Variants in SECISBP2L observed in about 807,000 individuals in gnomAD.
SECISBP2L encodes the protein SECIS binding protein 2 like.
A neutral mutation model predicts 114.7 loss-of-function variants in SECISBP2L; 43 were observed. The observed-to-expected ratio is 0.38, with a 90% CI of 0.29 to 0.48. SECISBP2L has a LOEUF of 0.48. Among genes scored for constraint, SECISBP2L ranks in the 20% least tolerant of loss-of-function variants. The pLI, the probability that SECISBP2L is intolerant of heterozygous loss-of-function variation, is 0.98. For synonymous variants in SECISBP2L, 451 were observed against 439.7 expected (o/e 1.03, Z -0.32); for missense variants, 1,136 against 1,301.1 (o/e 0.87, Z 1.95).
intron 7 of SECISBP2L, among the ~76,000 whole-genome samples, chr15:49,022,184 C>G (rs1464975326): frequency 6.6e-6 from 1 of 152,178 alleles, no homozygotes; most frequent in Non-Finnish European, 1.5e-5. Flanking sequence ...GTGGCGCCAT[C>G]ATAGCTCACT....
chr15:49,009,158 C>G, intron 14 of SECISBP2L, 58 bp downstream of exon 14: 1 of 1,544,592 alleles, frequency 6.5e-7, no homozygotes, highest in Non-Finnish European at 8.8e-7. Context: ...ATACTAAATT[C>G]AGAACTACAA....
chr15:48,990,276 A>G lies in SECISBP2L; in HGVS notation c.*1968T>C, dbSNP rs1313635961. On this transcript the variant is annotated 3_prime_UTR_variant, in exon 18 of 18. Transcript: ENST00000559471. ...ACATCGAGCAAAGGAAATTTACACC[A>G]TAAAAAGTATGAACAGTTTTTAAAT... 1.3e-5 allele frequency: 2 copies of G among 152,680 alleles called. No individual in the cohort carries two copies. The highest frequency in any genetic ancestry group is 2.9e-5 in the Non-Finnish European group (2 of 68,038). The allele number at this position is 152,680 out of a possible 1,614,324, so 9.5% of individuals were successfully genotyped here.
Position 49,037,736 on chromosome 15 carries a change from T to C in SECISBP2L, c.58A>G (p.Ile20Val). The C allele has an allele frequency of 6.2e-7, 1 of 1,609,088 alleles. No individual in the cohort carries two copies. The highest frequency in any genetic ancestry group is 1.1e-5 in the South Asian group (1 of 90,350). The change falls in exon 2 of 18, where the codon ATT becomes GTT. Residue 20 changes from isoleucine (I) to valine (V), a missense_variant. Ile to Val is a conservative substitution (Grantham distance 29, BLOSUM62 3). Coordinates refer to ENST00000559471, the MANE Select transcript of SECISBP2L (RefSeq NM_001193489.2). ...GTATCAGGACTCTTCTTCTGGGGAA[T>C]AAATGGCTCCACCTCAGCTGACAGC... ...VKLSAEVEPFIPQKKSPDTFM... is the reference protein window; with the variant it reads ...VKLSAEVEPFVPQKKSPDTFM...
Position 49,028,493 on chromosome 15 carries a change from G to A in SECISBP2L, c.854C>T (p.Ala285Val). ...ATCAGGATTTCTCAAAGCCCCTGCT[G>A]CAGGCTGGTTGTTGCTGTGTTTGGG... ...CSPKHSNNQP[A>V]AGALRNPDSG... Residue 285 changes from alanine to valine, a missense_variant, in exon 5 of 18, where the codon GCA becomes GTA. By Grantham distance (64) the Ala-to-Val change is moderately conservative. This residue lies in a region of SECISBP2L where 452 missense variants were observed against 452.3 expected (regional missense o/e 1.00). Transcript: ENST00000559471. The A allele has an allele frequency of 6.2e-7, 1 of 1,614,154 alleles. No homozygotes were observed. Among genetic ancestry groups the A allele is most frequent in the South Asian group, 1.1e-5 (1 of 91,072 alleles).
At chr15:48,996,213 A>G (rs1436587430) in intron 17 of SECISBP2L, among the ~76,000 whole-genome samples, 154 bp downstream of exon 17, 3 of 152,184 alleles carry the variant, frequency 2.0e-5, no homozygotes, top group Non-Finnish European at 4.4e-5. Context: ...TATTCTCCTG[A>G]TTTTTAATGA....
chr15:49,035,352 T>C lies in SECISBP2L; in HGVS notation c.510A>G (p.Arg170=), dbSNP rs1469889051. The C allele has an allele frequency of 1.9e-6, 3 of 1,613,782 alleles. No homozygotes were observed. The highest frequency in any genetic ancestry group is 1.7e-6 in the Non-Finnish European group (2 of 1,179,784). The part of the protein sequence containing the change: ...LSSHRSRNSN[R]GSVVPKQQLL... ...CACTTACTTTTGGGACCACTGATCC[T>C]CTGTTACTGTTTCTGCTTCGATGGC... Residue 170 remains arginine, a synonymous_variant, in exon 3 of 18, where the codon AGA becomes AGG. Coordinates refer to ENST00000559471, the MANE Select transcript of SECISBP2L (RefSeq NM_001193489.2).
chr15:49,033,249 G>GACTA, intron 3 of SECISBP2L, 149 bp from the exon 4 acceptor site: 1 of 917,480 alleles, frequency 1.1e-6, no homozygotes. Flanking sequence ...AATAGTACTA[G>GACTA]GGTTTCATGA....
Position 48,999,972 on chromosome 15 carries a change from G to A in SECISBP2L, c.2264C>T (p.Ala755Val), listed in dbSNP as rs1394514045. Reference protein sequence around the residue: ...KIQSKGGLDEALYNVIAMARE... With the variant: ...KIQSKGGLDEVLYNVIAMARE... Reference sequence around the variant, plus strand: ...TGCCATGGCTATAACATTATAGAGAGCCTCATCCAGACCACCTGAGAAAAT... The same window carrying A: ...TGCCATGGCTATAACATTATAGAGAACCTCATCCAGACCACCTGAGAAAAT... The change falls in exon 16 of 18, where the codon GCT becomes GTT. Residue 755 changes from alanine (A) to valine (V), a missense_variant. Transcript: ENST00000559471. 8 of 1,613,464 alleles carry A rather than the reference G, an allele frequency of 5.0e-6. No individual in the cohort carries two copies. The highest frequency in any genetic ancestry group is 4.4e-5 in the South Asian group (4 of 91,024).
intron 14 of SECISBP2L, among the ~76,000 whole-genome samples, chr15:49,005,230 T>C (rs1902291685): frequency 6.6e-6 from 1 of 152,146 alleles, no homozygotes; most frequent in African/African-American, 2.4e-5. Context: ...CTCAGGAGGC[T>C]GAAGCAAGAG....
At chr15:49,017,165 G>A (rs910392279) in intron 9 of SECISBP2L, 150 bp from the exon 10 acceptor site, 20 of 703,514 alleles carry the variant, frequency 2.8e-5, no homozygotes, top group Non-Finnish European at 4.3e-5. Context: ...TTGACAGTGG[G>A]ACCATTTCAG....
At chr15:49,034,420 CT>C (rs75869456) in intron 3 of SECISBP2L, among the ~76,000 whole-genome samples, 285 of 143,336 alleles carry the variant, frequency 2.0e-3, no homozygotes, top group Admixed American at 2.4e-3. Flanking sequence ...TCATTTCTTT[CT>C]TTTTTTTTTT....
chr15:49,015,125 G>C (rs1902510818), intron 11 of SECISBP2L, among the ~76,000 whole-genome samples: 1 of 152,050 alleles, frequency 6.6e-6, no homozygotes, highest in East Asian at 1.9e-4. Flanking sequence ...TTAATGTGAG[G>C]AAACTGAAGC....
At chr15:49,029,929 G>GT (rs1393425212) in intron 4 of SECISBP2L, among the ~76,000 whole-genome samples, 2 of 138,192 alleles carry the variant, frequency 1.4e-5, no homozygotes, top group African/African-American at 5.4e-5. Context: ...TAGCCACAGT[G>GT]TTTTCCCTTC....
rs1595794643 is a variant in SECISBP2L, at chr15:49,031,941, T to C, written c.664+1024A>G. The stretch of plus-strand genomic sequence containing the variant: ...AGTAATATATTACATTATGATTCTT[T>C]TCCATAGCCACTCCAAGTATTTGTC... On this transcript the variant is annotated intron_variant, in intron 4 of 17. Transcript: ENST00000559471. 1.3e-5 allele frequency among the ~76,000 whole-genome samples: 2 copies of C among 152,196 alleles called. 1 individual carries two copies. The highest frequency in any genetic ancestry group is 1.3e-4 in the Admixed American group (2 of 15,276).
intron 7 of SECISBP2L, among the ~76,000 whole-genome samples, chr15:49,022,213 G>A (rs1022175264): frequency 2.6e-5 from 4 of 152,192 alleles, no homozygotes; most frequent in African/African-American, 9.6e-5. Context: ...AAACTCCTGG[G>A]CTCAAGCGCT....
At chr15:49,003,645 C>T (rs953355391) in intron 14 of SECISBP2L, among the ~76,000 whole-genome samples, 8 of 152,170 alleles carry the variant, frequency 5.3e-5, no homozygotes, top group South Asian at 2.1e-4. Flanking sequence ...GTTTTTAGCA[C>T]GAAGGGCTGT....
At chr15:49,017,318 A>G (rs1373141430) in intron 9 of SECISBP2L, among the ~76,000 whole-genome samples, 10 of 152,234 alleles carry the variant, frequency 6.6e-5, no homozygotes, top group Admixed American at 6.5e-4. Flanking sequence ...ATGTTGTATG[A>G]TGATATCATT....
intron 7 of SECISBP2L, among the ~76,000 whole-genome samples, chr15:49,025,875 C>A (rs1357281504): frequency 6.6e-6 from 1 of 152,144 alleles, no homozygotes; most frequent in Non-Finnish European, 1.5e-5. Flanking sequence ...AGCAATCCCA[C>A]TACTAAATCC....
At chr15:49,038,360 C>T (rs1478024453) in intron 1 of SECISBP2L, among the ~76,000 whole-genome samples, 1 of 149,666 alleles carries the variant, frequency 6.7e-6, no homozygotes, top group Non-Finnish European at 1.5e-5. Context: ...TAAAGTAATC[C>T]AAGATATGTA....
Sources: gnomAD v4.1 joint callset for allele counts (sites outside exome capture counted in the v4.1 genomes callset) on GRCh38, gnomAD v4.1.1 for gene constraint, gnomAD v4.1.1 regional missense constraint, MANE v1.5 for transcripts, NCBI Gene and HGNC (gene_info 2026-07-23, HGNC 2026-07-21) for gene names.